OR3A2: variants seen among roughly 807,000 people sequenced by gnomAD.
The protein encoded by OR3A2 is olfactory receptor 3A2.
For missense variants in OR3A2, 318 were observed against 392.8 expected, an observed-to-expected ratio of 0.81 and a Z score of 1.61; for synonymous variants, 126 against 159.3, an observed-to-expected ratio of 0.79 and a Z score of 1.57.
chr17:3,339,469 A>G (rs534568325), intron 2 of OR3A2, among the ~76,000 whole-genome samples: 20 of 152,274 alleles, frequency 1.3e-4, no homozygotes, highest in African/African-American at 4.6e-4. Context: ...TAGCTTATTG[A>G]GTTTTTAGCA....
chr17:3,327,085 T>A lies in OR3A2; in HGVS notation c.-85+8948A>T, dbSNP rs201391689. On this transcript the variant is annotated intron_variant, in intron 3 of 4. Coordinates refer to the OR3A2 transcript ENST00000573491. ...TATATATACCCAGTCATGGGATGGC[T>A]GGGTCAAATGGTATTTCTAGTTCTA... Among the ~76,000 whole-genome samples, 7,172 of 77,750 alleles carry A rather than the reference T, an allele frequency of 0.092. 2,157 individuals carry two copies. The East Asian group carries it at 0.98, about 11-fold the overall frequency. The allele number at this position is 77,750 out of a possible 152,430, so 51.0% of individuals were successfully genotyped here.
At chr17:3,325,932 G>A (rs1025657102) in intron 3 of OR3A2, among the ~76,000 whole-genome samples, 1 of 151,966 alleles carries the variant, frequency 6.6e-6, no homozygotes, top group Non-Finnish European at 1.5e-5. Flanking sequence ...TCTTCCTGAT[G>A]CTCTCCCTTC....
In OR3A2 at chr17:3,290,293, A is replaced by G. The variant is rs1242132548; in HGVS notation, c.-84-11140T>C. Among the ~76,000 whole-genome samples the G allele has an allele frequency of 1.5e-4, 23 of 152,026 alleles. 1 individual carries two copies. The highest frequency in any genetic ancestry group is 1.3e-3 in the Admixed American group (20 of 15,246). On this transcript the variant is annotated intron_variant, in intron 3 of 4. Coordinates refer to the OR3A2 transcript ENST00000573491. ...CCCGCTTTCTTCCTCTGATCTTTCA[A>G]TACTCTCAAGGCATCTTATCCAATT...
At chr17:3,372,032 C>CAGCGG (rs2049632084) in intron 2 of OR3A2, among the ~76,000 whole-genome samples, 1 of 102,718 alleles carries the variant, frequency 9.7e-6, no homozygotes, top group African/African-American at 4.4e-5. Context: ...TCATACGGGG[C>CAGCGG]GGCTGCCGGG....
At chr17:3,319,324 TTGC>T (rs57083311) in intron 3 of OR3A2, among the ~76,000 whole-genome samples, 11,603 of 152,156 alleles carry the variant, frequency 0.076, 981 homozygotes, top group East Asian at 0.48. Flanking sequence ...TATATCTCTC[TTGC>T]TGCTGCTGCT....
intron 2 of OR3A2, among the ~76,000 whole-genome samples, chr17:3,360,772 T>C (rs1414722310): frequency 5.3e-5 from 8 of 151,780 alleles, no homozygotes; most frequent in East Asian, 3.9e-4. Flanking sequence ...GTTCCATTGG[T>C]CTATATCTCT....
chr17:3,332,651 C>T (rs577317061), intron 3 of OR3A2, among the ~76,000 whole-genome samples: 4 of 152,326 alleles, frequency 2.6e-5, no homozygotes, highest in East Asian at 1.9e-4. Context: ...ATGCAGAAAT[C>T]ACCCGTCTTC....
At chr17:3,328,360 T>G (rs12601019) in intron 3 of OR3A2, among the ~76,000 whole-genome samples, 13,401 of 50,602 alleles carry the variant, frequency 0.26, 1,857 homozygotes, top group South Asian at 0.42. Flanking sequence ...TCTCTGTTTG[T>G]CTGTTGTTGG....
intron 3 of OR3A2, among the ~76,000 whole-genome samples, chr17:3,305,376 G>C (rs2048991495): frequency 6.6e-6 from 1 of 152,116 alleles, no homozygotes; most frequent in African/African-American, 2.4e-5. Context: ...ATATAAGCAG[G>C]GGATATGAAG....
chr17:3,310,961 C>G (rs776426885), intron 3 of OR3A2: 1 of 566,756 alleles, frequency 1.8e-6, no homozygotes. Context: ...TGGTCCTCAT[C>G]ACTGTGTCCT....
At chr17:3,334,349 A>G (rs1405211001) in intron 3 of OR3A2, among the ~76,000 whole-genome samples, 3 of 152,168 alleles carry the variant, frequency 2.0e-5, no homozygotes, top group African/African-American at 4.8e-5. Flanking sequence ...TACTATCGTC[A>G]TGAAAAACAC....
At chr17:3,378,264 C>G (rs1488667108) in intron 2 of OR3A2, among the ~76,000 whole-genome samples, 1 of 152,242 alleles carries the variant, frequency 6.6e-6, no homozygotes, top group Non-Finnish European at 1.5e-5. Context: ...AGACTCCCCT[C>G]CCACACTCTT....
At chr17:3,377,167 G>A (rs1460281131) in intron 2 of OR3A2, among the ~76,000 whole-genome samples, 1 of 152,154 alleles carries the variant, frequency 6.6e-6, no homozygotes, top group Non-Finnish European at 1.5e-5. Flanking sequence ...AGTGATTCTT[G>A]TAGAGAAAGT....
upstream of OR3A2, among the ~76,000 whole-genome samples, chr17:3,285,047 T>C (rs2048799797): frequency 6.6e-6 from 1 of 152,094 alleles, no homozygotes; most frequent in Non-Finnish European, 1.5e-5. Flanking sequence ...GGGGATCCTA[T>C]AATGATTCTA....
At chr17:3,369,783 A>G (rs1490391835) in intron 2 of OR3A2, among the ~76,000 whole-genome samples, 1 of 145,406 alleles carries the variant, frequency 6.9e-6, no homozygotes, top group Non-Finnish European at 1.5e-5. Flanking sequence ...TATCTTTTTG[A>G]ATGGTTTCCG....
intron 2 of OR3A2, among the ~76,000 whole-genome samples, chr17:3,350,937 T>C (rs1421226541): frequency 6.6e-6 from 1 of 151,364 alleles, no homozygotes; most frequent in Admixed American, 6.6e-5. Context: ...AAAAACCACA[T>C]GATTATCTCA....
chr17:3,292,449 T>A (rs148768371), intron 3 of OR3A2: 2 of 1,607,434 alleles, frequency 1.2e-6, no homozygotes, highest in African/African-American at 1.4e-5. Context: ...GATGCTGAGG[T>A]TGCCCCTGAC....
intron 3 of OR3A2, among the ~76,000 whole-genome samples, chr17:3,298,760 G>A (rs903210797): frequency 5.3e-5 from 8 of 152,306 alleles, no homozygotes; most frequent in Admixed American, 3.9e-4. Context: ...TTCTATTGAA[G>A]GGAAAGGAAG....
intron 3 of OR3A2, among the ~76,000 whole-genome samples, chr17:3,303,325 C>A (rs1254928856): frequency 6.6e-6 from 1 of 151,978 alleles, no homozygotes; most frequent in African/African-American, 2.4e-5. Context: ...CAGCAATTTG[C>A]CTACACTAAA....
Sources: gnomAD v4.1 joint callset for allele counts (sites outside exome capture counted in the v4.1 genomes callset) on GRCh38, gnomAD v4.1.1 for gene constraint, MANE v1.5 for transcripts, NCBI Gene and HGNC (gene_info 2026-07-23, HGNC 2026-07-21) for gene names.